Variants in CACNG3 observed in about 807,000 individuals in gnomAD.
CACNG3 encodes voltage-dependent calcium channel gamma-3 subunit.
CACNG3 carries 3 observed loss-of-function variants against 28.5 expected under a neutral mutation model. The observed-to-expected ratio is 0.11, with a 90% CI of 0.05 to 0.27. CACNG3 has a LOEUF of 0.27. Among genes scored for constraint, CACNG3 ranks in the 10% least tolerant of loss-of-function variants. The pLI, the probability that CACNG3 is intolerant of heterozygous loss-of-function variation, is 1.00. For missense variants in CACNG3, 236 were observed against 414.4 expected (o/e 0.57, Z 3.74); for synonymous variants, 174 against 162.2 (o/e 1.07, Z -0.55).
chr16:24,293,866 C>T (rs1370371747), intron 1 of CACNG3, among the ~76,000 whole-genome samples: 2 of 152,132 alleles, frequency 1.3e-5, no homozygotes, highest in Admixed American at 1.3e-4. Flanking sequence ...CTCCAAGACC[C>T]TGCATCTGGT....
intron 1 of CACNG3, among the ~76,000 whole-genome samples, chr16:24,311,488 G>A (rs1278052016): frequency 1.4e-5 from 2 of 147,260 alleles, no homozygotes; most frequent in African/African-American, 5.3e-5. Context: ...CAGCCTGGGT[G>A]ACAGAACAAG....
At chr16:24,296,907 G>C (rs976187882) in intron 1 of CACNG3, among the ~76,000 whole-genome samples, 3 of 152,170 alleles carry the variant, frequency 2.0e-5, no homozygotes, top group African/African-American at 7.2e-5. Flanking sequence ...GGAGCTGAGA[G>C]TGCAGCCACA....
chr16:24,349,778 C>A (rs1393360500), intron 2 of CACNG3, among the ~76,000 whole-genome samples: 3 of 152,034 alleles, frequency 2.0e-5, no homozygotes, highest in African/African-American at 7.3e-5. Flanking sequence ...TTGTGTTGAC[C>A]CCCTATCTCA....
chr16:24,285,449 A>G (rs1898880284), intron 1 of CACNG3, among the ~76,000 whole-genome samples: 1 of 152,118 alleles, frequency 6.6e-6, no homozygotes, highest in Non-Finnish European at 1.5e-5. Context: ...CAAAGTAACT[A>G]CCGTTAACTG....
chr16:24,346,685 A>C (rs111726266), intron 1 of CACNG3, 49 bp from the exon 2 acceptor site: 35 of 1,396,282 alleles, frequency 2.5e-5, no homozygotes, highest in Non-Finnish European at 3.2e-5. Context: ...GCTGGCCCCC[A>C]GAGCTCTGTC....
chr16:24,340,876 C>G (rs953981496), intron 1 of CACNG3, among the ~76,000 whole-genome samples: 1 of 152,220 alleles, frequency 6.6e-6, no homozygotes, highest in African/African-American at 2.4e-5. Context: ...TCACCTGTAA[C>G]CACCGGATCC....
chr16:24,336,118 G>A (rs1369010727), intron 1 of CACNG3, among the ~76,000 whole-genome samples: 8 of 151,504 alleles, frequency 5.3e-5, no homozygotes, highest in East Asian at 2.0e-4. Context: ...CCAGCTACTC[G>A]GGAGGCAGAG....
chr16:24,330,929 G>T (rs1192692630), intron 1 of CACNG3, among the ~76,000 whole-genome samples: 2 of 152,068 alleles, frequency 1.3e-5, no homozygotes, highest in Non-Finnish European at 2.9e-5. Flanking sequence ...TGTTAAGTAA[G>T]GAAGATCAAC....
chr16:24,354,777 GA>G, intron 2 of CACNG3, 55 bp from the exon 3 acceptor site: 1 of 1,580,412 alleles, frequency 6.3e-7, no homozygotes, highest in Non-Finnish European at 8.6e-7. Context: ...CTTGCAATGG[GA>G]GGACCCCAGG....
rs1899056428 is a variant in CACNG3 at position 24,298,049 on chromosome 16, A to G, written c.211+41084A>G. ...ATTGCTTTTCTTTATTACAGAAGCA[A>G]TGCATTATTCACTATAGAAAATTTA... On this transcript the variant is annotated intron_variant, in intron 1 of 3. Transcript: ENST00000005284. Among the ~76,000 whole-genome samples the G allele has an allele frequency of 2.6e-5, 4 of 151,926 alleles. No homozygotes were observed. In the South Asian group the frequency reaches 8.3e-4, roughly 32 times the overall value.
chr16:24,361,347 C>G lies in CACNG3; in HGVS notation c.437-5C>G. ...GGACGTGTTTTTCTTTTCCCCTTCTCTTAGGGTTAAGCAACATCATTGGCA... is the reference window on the plus strand; with the variant it reads ...GGACGTGTTTTTCTTTTCCCCTTCTGTTAGGGTTAAGCAACATCATTGGCA... On this transcript the variant is annotated splice_region_variant and splice_polypyrimidine_tract_variant and intron_variant, in intron 3 of 3. Coordinates refer to ENST00000005284, the MANE Select transcript of CACNG3 (RefSeq NM_006539.4). The surrounding 1 kb of genome is among the most constrained non-coding windows in gnomAD (Gnocchi z 6.8). The G allele has an allele frequency of 6.4e-7, 1 of 1,574,212 alleles. No homozygotes were observed.
intron 1 of CACNG3, among the ~76,000 whole-genome samples, chr16:24,276,602 T>C (rs1209917751): frequency 6.6e-6 from 1 of 152,258 alleles, no homozygotes; most frequent in Admixed American, 6.5e-5. Context: ...GGTTCTGGTA[T>C]CTTTTTGACT....
chr16:24,352,515 GTT>G (rs1202901863), intron 2 of CACNG3, among the ~76,000 whole-genome samples: 1 of 127,606 alleles, frequency 7.8e-6, no homozygotes, highest in Non-Finnish European at 1.7e-5. Context: ...GGGTTATGGG[GTT>G]TTTTTTGTTG....
At chr16:24,319,604 AT>A (rs1301753564) in intron 1 of CACNG3, among the ~76,000 whole-genome samples, 1 of 82,894 alleles carries the variant, frequency 1.2e-5, no homozygotes. Flanking sequence ...TTATTTATTT[AT>A]TTATTTATTT....
At chr16:24,257,117 C>T (rs1898469694) in intron 1 of CACNG3, 152 bp downstream of exon 1, 3 of 627,936 alleles carry the variant, frequency 4.8e-6, no homozygotes, top group Non-Finnish European at 8.5e-6. Context: ...AACAGCAAGA[C>T]TGACGCCATG....
intron 1 of CACNG3, among the ~76,000 whole-genome samples, chr16:24,330,046 G>GA (rs776645136): frequency 1.3e-5 from 2 of 151,816 alleles, no homozygotes; most frequent in Admixed American, 1.3e-4. Context: ...CAAAAAAAAA[G>GA]AAAAAATAAA....
intron 1 of CACNG3, among the ~76,000 whole-genome samples, chr16:24,322,151 T>C (rs1899469829): frequency 6.6e-6 from 1 of 152,116 alleles, no homozygotes; most frequent in Non-Finnish European, 1.5e-5. Context: ...AGCCTGGAAC[T>C]CAGACATAGC....
intron 2 of CACNG3, among the ~76,000 whole-genome samples, chr16:24,354,150 C>T (rs1191006750): frequency 1.3e-5 from 2 of 152,300 alleles, no homozygotes; most frequent in East Asian, 3.9e-4. Flanking sequence ...CGTGATTGCA[C>T]CACTGCACTC....
chr16:24,291,293 A>G (rs1208400175), intron 1 of CACNG3, among the ~76,000 whole-genome samples: 1 of 152,144 alleles, frequency 6.6e-6, no homozygotes, highest in African/African-American at 2.4e-5. Flanking sequence ...ACTCAGAATG[A>G]CTGGAAGAGT....
Sources: allele counts gnomAD v4.1 joint callset (sites outside exome capture counted in the v4.1 genomes callset), GRCh38; gene constraint gnomAD v4.1.1; non-coding constraint Gnocchi (gnomAD v3.1); transcripts MANE v1.5; gene names NCBI Gene and HGNC (gene_info 2026-07-23, HGNC 2026-07-21).